PKNOX2: variants seen among roughly 807,000 people sequenced by gnomAD.
The protein encoded by PKNOX2 is PBX/knotted 1 homeobox 2, also known as homeobox protein PKNOX2.
Under a neutral mutation model 53.1 loss-of-function variants are expected in PKNOX2, and 14 were observed. The ratio of observed to expected loss-of-function variants is 0.26; its 90% CI spans 0.17 to 0.41. PKNOX2 has a LOEUF of 0.41. Among genes scored for constraint, PKNOX2 ranks in the 10% least tolerant of loss-of-function variants. PKNOX2 has a pLI of 1.00. For missense variants in PKNOX2, 496 were observed against 602.8 expected (o/e 0.82, Z 1.85); for synonymous variants, 257 against 242.8 (o/e 1.06, Z -0.54).
chr11:125,287,898 C>G (rs776754876), intron 2 of PKNOX2: 2 of 152,222 alleles, frequency 1.3e-5, no homozygotes, highest in African/African-American at 2.4e-5. Context: ...GGGGGCCACA[C>G]AGAGCCCTGC....
At chr11:125,393,687 G>A (rs1483990728) in intron 6 of PKNOX2, among the ~76,000 whole-genome samples, 2 of 152,096 alleles carry the variant, frequency 1.3e-5, no homozygotes, top group Non-Finnish European at 2.9e-5. Flanking sequence ...GAGGTGTTTG[G>A]ACCCCGGGGG....
intron 6 of PKNOX2, among the ~76,000 whole-genome samples, chr11:125,395,002 G>A (rs74634812): frequency 0.032 from 4,812 of 152,122 alleles, 205 homozygotes; most frequent in African/African-American, 0.09. Context: ...TTAGTTCTGT[G>A]CAATTTTATC....
At chr11:125,367,104 G>GT (rs1341645286) in intron 4 of PKNOX2, among the ~76,000 whole-genome samples, 2 of 152,104 alleles carry the variant, frequency 1.3e-5, no homozygotes, top group Non-Finnish European at 2.9e-5. Context: ...CATAGTGATG[G>GT]TTTAAAAAAA....
intron 1 of PKNOX2, among the ~76,000 whole-genome samples, chr11:125,234,390 TA>T (rs1468509017): frequency 6.6e-5 from 10 of 152,250 alleles, no homozygotes; most frequent in African/African-American, 2.4e-4. Context: ...TGACTGTTTT[TA>T]TTTTTACAAA....
rs375570969 is a variant in PKNOX2 at position 125,193,365 on chromosome 11, G to A, written c.-201+28589G>A. Among the ~76,000 whole-genome samples, 10 of 152,200 alleles carry A rather than the reference G, an allele frequency of 6.6e-5. No homozygotes were observed. The South Asian group carries it at 2.1e-3, about 32-fold the overall frequency. On this transcript the variant is annotated intron_variant, in intron 1 of 12. Transcript: ENST00000298282. ...GGCCCTTTCTCGGCTCTAATTTATG[G>A]GCCACATAAAATTCTGTGAAGTTGC... is the stretch of plus-strand genomic sequence containing the variant.
At chr11:125,169,206 T>C (rs1955106412) in intron 1 of PKNOX2, among the ~76,000 whole-genome samples, 1 of 152,156 alleles carries the variant, frequency 6.6e-6, no homozygotes. Flanking sequence ...GAGGAAAAAC[T>C]GAGGAAGTTC....
intron 7 of PKNOX2, among the ~76,000 whole-genome samples, chr11:125,408,016 T>A (rs1446901954): frequency 6.6e-6 from 1 of 152,188 alleles, no homozygotes; most frequent in African/African-American, 2.4e-5. Context: ...TGAGTTTTAG[T>A]TGTTTTTATC....
Position 125,321,265 on chromosome 11 carries a change from A to G in PKNOX2, c.-129-10554A>G, listed in dbSNP as rs116236757. Among the ~76,000 whole-genome samples the G allele has an allele frequency of 2.7e-3, 416 of 152,362 alleles. 4 individuals are homozygous for G. The highest frequency in any genetic ancestry group is 9.4e-3 in the African/African-American group (392 of 41,588). Reference sequence around the variant, plus strand: ...TAAAATTTCGAACAGTAAATAGTTCAGGTCTTGTGTTGCAACTGCAATCAT... The same window carrying G: ...TAAAATTTCGAACAGTAAATAGTTCGGGTCTTGTGTTGCAACTGCAATCAT... On this transcript the variant is annotated intron_variant, in intron 2 of 12. Coordinates refer to ENST00000298282, the MANE Select transcript of PKNOX2 (RefSeq NM_001382323.2).
At chr11:125,324,923 AGT>A (rs1206387981) in intron 2 of PKNOX2, among the ~76,000 whole-genome samples, 3 of 152,132 alleles carry the variant, frequency 2.0e-5, no homozygotes, top group Middle Eastern at 3.4e-3. Context: ...GGAGGGGAGG[AGT>A]GAGAGAAGGA....
intron 2 of PKNOX2, among the ~76,000 whole-genome samples, chr11:125,253,263 C>T (rs1007807999): frequency 1.3e-5 from 2 of 152,158 alleles, no homozygotes; most frequent in African/African-American, 2.4e-5. Context: ...ATGATAGCCT[C>T]TCAGTCCTAT....
chr11:125,351,870 CTG>C (rs1186115991), intron 4 of PKNOX2, among the ~76,000 whole-genome samples: 1 of 152,152 alleles, frequency 6.6e-6, no homozygotes, highest in Non-Finnish European at 1.5e-5. Flanking sequence ...GGGAGAATCT[CTG>C]TTCTCTTCAG....
intron 4 of PKNOX2, among the ~76,000 whole-genome samples, chr11:125,359,143 A>C (rs1314679671): frequency 6.6e-6 from 1 of 150,958 alleles, no homozygotes; most frequent in African/African-American, 2.5e-5. Context: ...AAAGGCAGGA[A>C]GGTGGACACC....
Position 125,202,768 on chromosome 11 carries a change from C to G in PKNOX2, c.-200-32277C>G, listed in dbSNP as rs138136443. Among the ~76,000 whole-genome samples, 323 of 152,282 alleles carry G rather than the reference C, an allele frequency of 2.1e-3. 2 individuals carry two copies. Among genetic ancestry groups the G allele is most frequent in the African/African-American group, 7.2e-3 (300 of 41,548 alleles). On this transcript the variant is annotated intron_variant, in intron 1 of 12. Transcript: ENST00000298282. Reference sequence around the variant, plus strand: ...GGGACAGATAATTTCATCACCCCTTCAGGCTCCACAGAGCATTTTTAAAGC... The same window carrying G: ...GGGACAGATAATTTCATCACCCCTTGAGGCTCCACAGAGCATTTTTAAAGC...
intron 5 of PKNOX2, among the ~76,000 whole-genome samples, chr11:125,375,317 A>G (rs1952773251): frequency 6.6e-6 from 1 of 152,208 alleles, no homozygotes; most frequent in Non-Finnish European, 1.5e-5. Context: ...ATTCTCTCAT[A>G]CAGCAACAGT....
intron 1 of PKNOX2, among the ~76,000 whole-genome samples, chr11:125,179,911 T>G (rs766341228): frequency 6.6e-6 from 1 of 152,218 alleles, no homozygotes; most frequent in African/African-American, 2.4e-5. Flanking sequence ...ATCAAATTCA[T>G]TGACGTTAAA....
chr11:125,342,748 A>T (rs1950760333), intron 3 of PKNOX2, among the ~76,000 whole-genome samples: 1 of 146,886 alleles, frequency 6.8e-6, no homozygotes, highest in Non-Finnish European at 1.5e-5. Context: ...TGTGCAGACG[A>T]GAGAGCACAT....
At chr11:125,294,515 AG>A (rs1402212908) in intron 2 of PKNOX2, among the ~76,000 whole-genome samples, 4 of 152,148 alleles carry the variant, frequency 2.6e-5, no homozygotes, top group African/African-American at 9.7e-5. Context: ...AGGGAGGCAG[AG>A]GTTAGGGGAC....
At chr11:125,186,892 G>A (rs1243106937) in intron 1 of PKNOX2, among the ~76,000 whole-genome samples, 1 of 152,078 alleles carries the variant, frequency 6.6e-6, no homozygotes, top group Non-Finnish European at 1.5e-5. Context: ...TTTTGCATGG[G>A]GTGTGAGGTA....
chr11:125,183,610 CTA>C (rs528612077), intron 1 of PKNOX2, among the ~76,000 whole-genome samples: 76 of 152,270 alleles, frequency 5.0e-4, no homozygotes, highest in African/African-American at 1.7e-3. Context: ...GGAGGGTAAA[CTA>C]TGCTCATAAG....
Sources: gnomAD v4.1 joint callset for allele counts (sites outside exome capture counted in the v4.1 genomes callset) on GRCh38, gnomAD v4.1.1 for gene constraint, MANE v1.5 for transcripts, NCBI Gene and HGNC (gene_info 2026-07-23, HGNC 2026-07-21) for gene names.